Variants in FBRSL1 observed in about 807,000 individuals in gnomAD.
FBRSL1 encodes the protein fibrosin like 1, also known as fibrosin-1-like protein.
Under a neutral mutation model 89.6 loss-of-function variants are expected in FBRSL1, and 51 were observed. That is an observed-to-expected ratio of 0.57 (90% CI 0.45 to 0.72). The LOEUF (loss-of-function observed/expected upper bound fraction) is 0.72, where lower values mean the gene tolerates loss of function less well. Ranked by LOEUF, FBRSL1 falls within the 30% of genes least tolerant of loss-of-function variation. FBRSL1 has a pLI of 0.00. For synonymous variants in FBRSL1, 779 were observed against 681.1 expected (o/e 1.14, Z -2.24); for missense variants, 1,618 against 1,451.8 (o/e 1.11, Z -1.86).
intron 2 of FBRSL1, chr12:132,509,464 A>G (rs1237925520): frequency 3.2e-6 from 4 of 1,239,698 alleles, no homozygotes; most frequent in Non-Finnish European, 4.0e-6. Context: ...TCCCCAGATC[A>G]GCTCTGCCAG....
At chr12:132,518,487 G>GTC (rs2035049617) in intron 2 of FBRSL1, among the ~76,000 whole-genome samples, 1 of 130,204 alleles carries the variant, frequency 7.7e-6, no homozygotes, top group Admixed American at 7.7e-5. Context: ...ATCCACCCAT[G>GTC]TGTCCATCCA....
At chr12:132,524,044 C>T (rs1019888831) in intron 2 of FBRSL1, among the ~76,000 whole-genome samples, 1 of 152,226 alleles carries the variant, frequency 6.6e-6, no homozygotes, top group Non-Finnish European at 1.5e-5. Context: ...GCCCCGGGCT[C>T]TGCTGCACAG....
chr12:132,497,289 G>A (rs900924985), intron 1 of FBRSL1, among the ~76,000 whole-genome samples: 1 of 152,184 alleles, frequency 6.6e-6, no homozygotes, highest in Admixed American at 6.5e-5. Flanking sequence ...TGAGGGAGAG[G>A]TCATGGGACC....
intron 1 of FBRSL1, among the ~76,000 whole-genome samples, chr12:132,505,265 C>T (rs1479457734): frequency 1.3e-5 from 2 of 152,214 alleles, no homozygotes; most frequent in Non-Finnish European, 2.9e-5. Flanking sequence ...CCACCCGGAG[C>T]TCATGTCACT....
chr12:132,494,286 T>C (rs1298180570), intron 1 of FBRSL1, among the ~76,000 whole-genome samples: 2 of 152,228 alleles, frequency 1.3e-5, no homozygotes, highest in Admixed American at 6.5e-5. Context: ...GCTGTGGCCA[T>C]ACGTGCCTGG....
At chr12:132,547,257 G>A (rs887237661) in intron 4 of FBRSL1, among the ~76,000 whole-genome samples, 2 of 148,210 alleles carry the variant, frequency 1.3e-5, no homozygotes, top group African/African-American at 5.0e-5. Context: ...AACGGAGAAC[G>A]GACAGTCAGT....
Position 132,546,014 on chromosome 12 carries a change from G to A in FBRSL1, c.616-1989G>A, listed in dbSNP as rs568918522. Among the ~76,000 whole-genome samples the A allele has an allele frequency of 3.3e-5, 5 of 152,316 alleles. No homozygotes were observed. Among genetic ancestry groups the A allele is most frequent in the African/African-American group, 1.2e-4 (5 of 41,568 alleles). ...TCTCGGCCCTCCCCAGGCTCCCCAT[G>A]TGCAGAGGGCATCCTTGGCACAGTC... On this transcript the variant is annotated intron_variant, in intron 4 of 18. Coordinates refer to ENST00000680143, the MANE Select transcript of FBRSL1 (RefSeq NM_001367871.1). The surrounding 1 kb of genome is among the most constrained non-coding windows in gnomAD (Gnocchi z 4.0).
intron 5 of FBRSL1, among the ~76,000 whole-genome samples, chr12:132,558,541 G>A (rs1374496247): frequency 6.6e-6 from 1 of 152,250 alleles, no homozygotes; most frequent in African/African-American, 2.4e-5. Flanking sequence ...CGACTTGTTG[G>A]TAAAGGGAGT....
chr12:132,523,844 G>A (rs1254083893), intron 2 of FBRSL1, among the ~76,000 whole-genome samples: 1 of 152,208 alleles, frequency 6.6e-6, no homozygotes, highest in Non-Finnish European at 1.5e-5. Context: ...AGAACCGCTA[G>A]GAGTGGGACA....
At chr12:132,556,498 CCCAA>C (rs2038651999) in intron 5 of FBRSL1, among the ~76,000 whole-genome samples, 3 of 131,432 alleles carry the variant, frequency 2.3e-5, no homozygotes, top group Non-Finnish European at 4.9e-5. Context: ...CGTGCTGCAC[CCCAA>C]CCCCTGTCCT....
chr12:132,548,136 C>A, intron 5 of FBRSL1, 104 bp downstream of exon 5: 1 of 1,387,552 alleles, frequency 7.2e-7, no homozygotes, highest in Middle Eastern at 1.8e-4. Context: ...AAGATCGGGC[C>A]TTGGGGGGAT....
At chr12:132,531,431 G>T (rs546198803) in intron 4 of FBRSL1, among the ~76,000 whole-genome samples, 1 of 152,084 alleles carries the variant, frequency 6.6e-6, no homozygotes, top group Admixed American at 6.5e-5. Context: ...GTGTGGGCAG[G>T]TCTGTGCCTG....
Position 132,582,269 on chromosome 12 carries a change from G to A in FBRSL1, c.2201+3G>A. ...AATGGCAAGGAGGAGCAGGAACGGT[G>A]AGTGGCCCTCTTGTTCCGTATCCCC... On this transcript the variant is annotated splice_donor_region_variant and intron_variant, in intron 18 of 18. Coordinates refer to ENST00000680143, the MANE Select transcript of FBRSL1 (RefSeq NM_001367871.1). The A allele has an allele frequency of 6.5e-7, 1 of 1,549,584 alleles. No homozygotes were observed. Among genetic ancestry groups the A allele is most frequent in the Non-Finnish European group, 8.7e-7 (1 of 1,146,558 alleles).
chr12:132,550,150 C>A (rs2038029996), intron 5 of FBRSL1, among the ~76,000 whole-genome samples: 1 of 150,684 alleles, frequency 6.6e-6, no homozygotes, highest in Non-Finnish European at 1.5e-5. Flanking sequence ...GCCGTTGGGG[C>A]CGTGTTGGGG....
At chr12:132,569,875 G>A (rs1217203580) in intron 6 of FBRSL1, 51 bp from the exon 7 acceptor site, 1 of 1,296,594 alleles carries the variant, frequency 7.7e-7, no homozygotes, top group Non-Finnish European at 9.9e-7. Context: ...GCCACAGGAG[G>A]GGCAGGGACG....
Position 132,583,119 on chromosome 12 carries a change from G to T in FBRSL1, c.2350G>T (p.Glu784Ter). Residue 784 changes from glutamate to a stop codon, truncating the protein, a stop_gained, in exon 19 of 19, where the codon GAG becomes TAG. Transcript: ENST00000680143. LOFTEE classifies it high-confidence loss of function. ...GCGCGAGGCCGAACCTCGGGTCAAG[G>T]AGAGCCGCTCCCCGGCCAAGGAGGA... Reference protein sequence around the residue: ...AEREAEPRVKESRSPAKEEAA... With the variant: ...AEREAEPRVK The T allele has an allele frequency of 6.8e-7, 1 of 1,459,966 alleles. No individual in the cohort carries two copies. Among genetic ancestry groups the T allele is most frequent in the Non-Finnish European group, 9.0e-7 (1 of 1,109,942 alleles). The allele number at this position is 1,459,966 out of a possible 1,614,324, so 90.4% of individuals were successfully genotyped here. A position where few individuals can be genotyped will look rare whatever the true frequency, so the allele number is the denominator to read the frequency against.
At chr12:132,537,936 C>T (rs2036898039) in intron 4 of FBRSL1, among the ~76,000 whole-genome samples, 1 of 152,186 alleles carries the variant, frequency 6.6e-6, no homozygotes, top group Admixed American at 6.5e-5. Flanking sequence ...TGGCCACACT[C>T]GTGTGCAGGC....
At chr12:132,493,561 C>A (rs1429092998) in intron 1 of FBRSL1, among the ~76,000 whole-genome samples, 1 of 152,208 alleles carries the variant, frequency 6.6e-6, no homozygotes, top group Admixed American at 6.5e-5. Context: ...AGGCAGACCA[C>A]CCTCTCCGCC....
chr12:132,574,013 C>A, intron 11 of FBRSL1, 77 bp from the exon 12 acceptor site: 1 of 1,049,436 alleles, frequency 9.5e-7, no homozygotes, highest in South Asian at 2.9e-5. Context: ...CAGGCCCACG[C>A]CAGAACCAGG....
Sources: gnomAD v4.1 joint callset for allele counts (sites outside exome capture counted in the v4.1 genomes callset) on GRCh38, gnomAD v4.1.1 for gene constraint, Gnocchi (gnomAD v3.1) non-coding constraint, MANE v1.5 for transcripts, NCBI Gene and HGNC (gene_info 2026-07-23, HGNC 2026-07-21) for gene names.